The following GPC6 variants were observed in gnomAD, a reference collection of about 807,000 sequenced individuals.
GPC6 encodes glypican 6.
A neutral mutation model predicts 55.2 loss-of-function variants in GPC6; 14 were observed. The observed-to-expected ratio is 0.25, with a 90% confidence interval of 0.17 to 0.40. GPC6 has a LOEUF of 0.40. Among genes scored for constraint, GPC6 ranks in the 10% least tolerant of loss-of-function variants. GPC6 has a pLI of 1.00. For synonymous variants in GPC6, 278 were observed against 259.6 expected, an observed-to-expected ratio of 1.07 and a Z score of -0.68; for missense variants, 641 against 708.5, an observed-to-expected ratio of 0.90 and a Z score of 1.08.
chr13:94,164,737 C>T (rs529276725), intron 4 of GPC6, among the ~76,000 whole-genome samples: 2 of 152,104 alleles, frequency 1.3e-5, no homozygotes. Context: ...TAACTATTAT[C>T]TCTCACTCTG....
chr13:93,701,623 T>C (rs1385207749), intron 2 of GPC6, among the ~76,000 whole-genome samples: 2 of 152,052 alleles, frequency 1.3e-5, no homozygotes, highest in Non-Finnish European at 2.9e-5. Context: ...TGCAATGTTA[T>C]TCAGTAGCAT....
chr13:93,876,447 C>T (rs941002081), intron 3 of GPC6, among the ~76,000 whole-genome samples: 1 of 152,032 alleles, frequency 6.6e-6, no homozygotes, highest in Non-Finnish European at 1.5e-5. Flanking sequence ...GTGATAAGCA[C>T]ACACGTCACT....
At chr13:94,369,386 C>T (rs1214976068) in intron 6 of GPC6, among the ~76,000 whole-genome samples, 1 of 152,138 alleles carries the variant, frequency 6.6e-6, no homozygotes, top group East Asian at 1.9e-4. Context: ...TTGGGGCCTC[C>T]TGTGGGTAGG....
In GPC6 at chr13:93,601,536, C is replaced by A. The variant is rs542230831; in HGVS notation, c.319+56115C>A. The stretch of plus-strand genomic sequence containing the variant: ...AACAGGAAAAGCATTCAGTTATTAT[C>A]CCTTCTTTCTCACTGTTCCATCAGA... On this transcript the variant is annotated intron_variant, in intron 2 of 8. Transcript: ENST00000377047. Among the ~76,000 whole-genome samples, 3 of 152,226 alleles carry A rather than the reference C, an allele frequency of 2.0e-5. No homozygotes were observed. The South Asian group carries it at 6.2e-4, about 32-fold the overall frequency.
At chr13:93,684,564 A>C (rs75145368) in intron 2 of GPC6, among the ~76,000 whole-genome samples, 1,550 of 152,272 alleles carry the variant, frequency 0.01, 33 homozygotes, top group African/African-American at 0.036. Context: ...TGCTGACTCA[A>C]ATGTCATGTT....
intron 4 of GPC6, among the ~76,000 whole-genome samples, chr13:94,144,225 A>G (rs1887479413): frequency 2.6e-5 from 4 of 152,122 alleles, no homozygotes; most frequent in Admixed American, 2.6e-4. Context: ...GGTCTGTAAC[A>G]TCAGGGTTGA....
intron 3 of GPC6, among the ~76,000 whole-genome samples, chr13:93,933,894 T>C (rs1342715598): frequency 2.0e-5 from 3 of 152,222 alleles, no homozygotes. Context: ...GCCCCTTCCA[T>C]GGAGTCTGTC....
intron 6 of GPC6, among the ~76,000 whole-genome samples, chr13:94,321,301 T>C (rs1876811167): frequency 6.6e-6 from 1 of 152,224 alleles, no homozygotes; most frequent in Non-Finnish European, 1.5e-5. Flanking sequence ...CACATTTTCT[T>C]TATCCGTTCT....
chr13:93,861,592 C>T (rs1888815885), intron 3 of GPC6, among the ~76,000 whole-genome samples: 1 of 151,632 alleles, frequency 6.6e-6, no homozygotes, highest in South Asian at 2.1e-4. Flanking sequence ...CCATTTCTGG[C>T]ACCTGGTGTC....
At chr13:93,407,578 A>G (rs2071153034) in intron 1 of GPC6, among the ~76,000 whole-genome samples, 1 of 152,214 alleles carries the variant, frequency 6.6e-6, no homozygotes, top group Non-Finnish European at 1.5e-5. Flanking sequence ...AATCTCAAGT[A>G]CAGGCAGTTG....
rs558232797 is a variant in GPC6 at position 93,385,541 on chromosome 13, G to T, written c.160+157925G>T. 2.6e-5 allele frequency among the ~76,000 whole-genome samples: 4 copies of T among 152,318 alleles called. No individual in the cohort carries two copies. In the South Asian group the frequency reaches 8.3e-4, roughly 32 times the overall value. On this transcript the variant is annotated intron_variant, in intron 1 of 8. Coordinates refer to ENST00000377047, the MANE Select transcript of GPC6 (RefSeq NM_005708.5). ...CTCACAGGCCAGGGCCCCGAACAGT[G>T]GCAGTGGCAGTAGGGGTAGAAAGAA...
At chr13:93,931,635 G>T (rs551454401) in intron 3 of GPC6, among the ~76,000 whole-genome samples, 1 of 151,768 alleles carries the variant, frequency 6.6e-6, no homozygotes, top group African/African-American at 2.4e-5. Context: ...GTGGTGGCGG[G>T]CACCTGTAAT....
chr13:94,111,578 T>A (rs1261702351), intron 4 of GPC6, among the ~76,000 whole-genome samples: 4 of 151,816 alleles, frequency 2.6e-5, no homozygotes, highest in African/African-American at 9.7e-5. Flanking sequence ...TCACCTGATA[T>A]GTCAGTGCTC....
At chr13:94,328,405 A>C (rs1877235352) in intron 6 of GPC6, among the ~76,000 whole-genome samples, 1 of 152,214 alleles carries the variant, frequency 6.6e-6, no homozygotes, top group African/African-American at 2.4e-5. Context: ...TGGCTCCTAC[A>C]TGGAAGGATT....
chr13:94,039,295 G>T (rs1332781915), intron 4 of GPC6, among the ~76,000 whole-genome samples: 1 of 151,922 alleles, frequency 6.6e-6, no homozygotes, highest in South Asian at 2.1e-4. Context: ...GATCTAAATA[G>T]TAATCTGGCA....
At chr13:94,093,123 T>C (rs373994882) in intron 4 of GPC6, among the ~76,000 whole-genome samples, 12 of 152,082 alleles carry the variant, frequency 7.9e-5, no homozygotes, top group African/African-American at 2.2e-4. Flanking sequence ...TGTGATGTAC[T>C]CCCATTTGTC....
chr13:94,176,170 A>AT (rs1201784765), intron 4 of GPC6, among the ~76,000 whole-genome samples: 1 of 151,848 alleles, frequency 6.6e-6, no homozygotes, highest in Non-Finnish European at 1.5e-5. Context: ...TAATCTCATA[A>AT]TTTTTTTTCA....
chr13:93,276,458 C>CAGAGAG (rs144297308), intron 1 of GPC6, among the ~76,000 whole-genome samples: 1,192 of 117,318 alleles, frequency 0.01, 8 homozygotes, highest in Admixed American at 0.03. Context: ...CTGGCCTTTT[C>CAGAGAG]AGAGAGAGAG....
rs563302069 is a variant in GPC6 at position 93,287,330 on chromosome 13, G to A, written c.160+59714G>A. On this transcript the variant is annotated intron_variant, in intron 1 of 8. Coordinates refer to ENST00000377047, the MANE Select transcript of GPC6 (RefSeq NM_005708.5). ...TTCCATAAGAGTGTTTTGGCCAAAAGTGAGCCAATGACATAGAGGCAGGGA... is the reference window on the plus strand; with the variant it reads ...TTCCATAAGAGTGTTTTGGCCAAAAATGAGCCAATGACATAGAGGCAGGGA... Among the ~76,000 whole-genome samples, 36 of 152,286 alleles carry A rather than the reference G, an allele frequency of 2.4e-4. No individual in the cohort carries two copies. The South Asian group carries it at 2.5e-3, about 11-fold the overall frequency.
Sources: allele counts gnomAD v4.1 joint callset (sites outside exome capture counted in the v4.1 genomes callset), GRCh38; gene constraint gnomAD v4.1.1; transcripts MANE v1.5; gene names NCBI Gene and HGNC (gene_info 2026-07-23, HGNC 2026-07-21).